The following CSMD3 variants were observed in gnomAD, a reference collection of about 807,000 sequenced individuals.
The protein encoded by CSMD3 is CUB and Sushi multiple domains 3.
In CSMD3, 177 loss-of-function variants were observed where a neutral mutation model predicts 435.2. That is an observed-to-expected ratio of 0.41 (90% confidence interval 0.36 to 0.46). The LOEUF is 0.46. CSMD3 is among the 20% of genes least tolerant of loss of function. The pLI, the probability that CSMD3 is intolerant of heterozygous loss-of-function variation, is 0.34. For synonymous variants in CSMD3, 1,656 were observed against 1,520.5 expected, an observed-to-expected ratio of 1.09 and a Z score of -2.07; for missense variants, 4,265 against 4,504.6, an observed-to-expected ratio of 0.95 and a Z score of 1.52.
chr8:112,761,203 T>C (rs1432273110), intron 13 of CSMD3, among the ~76,000 whole-genome samples: 1 of 152,148 alleles, frequency 6.6e-6, no homozygotes, highest in African/African-American at 2.4e-5. Context: ...GTTTCTTTTA[T>C]TTCTCATTAA....
intron 9 of CSMD3, among the ~76,000 whole-genome samples, chr8:112,922,263 T>A (rs1471630309): frequency 6.6e-6 from 1 of 151,962 alleles, no homozygotes; most frequent in East Asian, 1.9e-4. Context: ...GTGTATATAT[T>A]TATGGGGTAC....
chr8:113,101,487 G>A (rs542821063), intron 4 of CSMD3, among the ~76,000 whole-genome samples: 4 of 151,778 alleles, frequency 2.6e-5, no homozygotes, highest in Non-Finnish European at 4.4e-5. Context: ...ATTATATTCC[G>A]TAAGCTCCAA....
chr8:113,033,273 C>T (rs2087197406), intron 5 of CSMD3, among the ~76,000 whole-genome samples: 1 of 151,648 alleles, frequency 6.6e-6, no homozygotes, highest in Non-Finnish European at 1.5e-5. Flanking sequence ...GGAAAAGCCA[C>T]AGGCATTCAA....
chr8:112,862,041 G>T (rs918297004), intron 10 of CSMD3, among the ~76,000 whole-genome samples: 3 of 151,908 alleles, frequency 2.0e-5, no homozygotes, highest in African/African-American at 7.2e-5. Context: ...TCTTCATGCT[G>T]ATGAAGAATC....
chr8:113,107,100 T>G (rs2090501526), intron 4 of CSMD3, among the ~76,000 whole-genome samples: 1 of 152,160 alleles, frequency 6.6e-6, no homozygotes, highest in African/African-American at 2.4e-5. Flanking sequence ...ATTTGCCTAT[T>G]CTGAACATCT....
At chr8:112,516,288 A>G (rs1238205126) in intron 28 of CSMD3, among the ~76,000 whole-genome samples, 2 of 152,168 alleles carry the variant, frequency 1.3e-5, no homozygotes, top group East Asian at 3.8e-4. Flanking sequence ...TTTTCAGTAG[A>G]GAAAACATAG....
At chr8:113,332,765 T>A (rs1563711552) in intron 1 of CSMD3, among the ~76,000 whole-genome samples, 1 of 151,686 alleles carries the variant, frequency 6.6e-6, no homozygotes, top group Non-Finnish European at 1.5e-5. Flanking sequence ...ATTGCTAAAA[T>A]TGACAAGTTG....
At chr8:112,353,725 T>C (rs1215771480) in intron 38 of CSMD3, among the ~76,000 whole-genome samples, 3 of 151,762 alleles carry the variant, frequency 2.0e-5, no homozygotes, top group Non-Finnish European at 4.4e-5. Flanking sequence ...CTACCAAGAA[T>C]AAAAACAAAG....
intron 22 of CSMD3, among the ~76,000 whole-genome samples, chr8:112,590,366 A>G (rs1322521653): frequency 6.6e-6 from 1 of 152,066 alleles, no homozygotes; most frequent in East Asian, 1.9e-4. Flanking sequence ...TGAGTAAATT[A>G]AAGGTGAAGG....
chr8:112,837,252 A>G (rs185563277), intron 11 of CSMD3, among the ~76,000 whole-genome samples: 16 of 151,970 alleles, frequency 1.1e-4, no homozygotes, highest in Non-Finnish European at 2.1e-4. Flanking sequence ...CTGAAAGCTG[A>G]AGAAAATACT....
At chr8:113,222,030 AG>A (rs775733326) in intron 3 of CSMD3, among the ~76,000 whole-genome samples, 55,423 of 150,912 alleles carry the variant, frequency 0.37, 11,013 homozygotes, top group African/African-American at 0.52. Flanking sequence ...TTGAAGGTTA[AG>A]TAAATGCATG....
chr8:113,044,092 A>G (rs1199434260), intron 5 of CSMD3, among the ~76,000 whole-genome samples: 1 of 152,090 alleles, frequency 6.6e-6, no homozygotes, highest in African/African-American at 2.4e-5. Context: ...AAAACATACG[A>G]AGATAACAAG....
intron 13 of CSMD3, among the ~76,000 whole-genome samples, chr8:112,733,016 A>G (rs1011685430): frequency 3.9e-5 from 6 of 152,150 alleles, no homozygotes; most frequent in Non-Finnish European, 7.4e-5. Context: ...TATTTTTAAA[A>G]CACACAATAA....
At chr8:112,455,059 A>G (rs915034861) in intron 32 of CSMD3, among the ~76,000 whole-genome samples, 4 of 151,822 alleles carry the variant, frequency 2.6e-5, no homozygotes, top group Non-Finnish European at 5.9e-5. Flanking sequence ...AATAAACACA[A>G]CTACCATTTG....
chr8:112,417,911 T>C (rs1261819664), intron 32 of CSMD3, among the ~76,000 whole-genome samples: 1 of 152,164 alleles, frequency 6.6e-6, no homozygotes, highest in Admixed American at 6.5e-5. Flanking sequence ...TAGATCTATG[T>C]TTGATTCTCA....
chr8:112,406,152 C>T (rs1335690262), intron 35 of CSMD3, among the ~76,000 whole-genome samples: 1 of 151,892 alleles, frequency 6.6e-6, no homozygotes, highest in African/African-American at 2.4e-5. Flanking sequence ...TTAATATATA[C>T]ACCTACTGTG....
Position 113,018,255 on chromosome 8 carries a change from T to C in CSMD3, c.1030+812A>G, listed in dbSNP as rs1252982834. 2.0e-5 allele frequency among the ~76,000 whole-genome samples: 3 copies of C among 151,924 alleles called. No homozygotes were observed. The East Asian group carries it at 5.8e-4, about 29-fold the overall frequency. On this transcript the variant is annotated intron_variant, in intron 6 of 70. Coordinates refer to ENST00000297405, the MANE Select transcript of CSMD3 (RefSeq NM_198123.2). ...TTGAATTTTGTATTCCAAAGAACAA[T>C]ATATGATTTAATGCCATTTTGAGTA...
At chr8:112,940,683 T>C (rs1587720343) in intron 9 of CSMD3, among the ~76,000 whole-genome samples, 1 of 151,756 alleles carries the variant, frequency 6.6e-6, no homozygotes, top group East Asian at 1.9e-4. Context: ...CCTAGGAGAG[T>C]AGAGCACAAA....
intron 32 of CSMD3, among the ~76,000 whole-genome samples, chr8:112,414,114 T>A (rs1303403274): frequency 6.6e-6 from 1 of 152,210 alleles, no homozygotes; most frequent in African/African-American, 2.4e-5. Flanking sequence ...TTTTTCTTGC[T>A]ATATTTGAAG....
Sources: gnomAD v4.1 joint callset for allele counts (sites outside exome capture counted in the v4.1 genomes callset) on GRCh38, gnomAD v4.1.1 for gene constraint, MANE v1.5 for transcripts, NCBI Gene and HGNC (gene_info 2026-07-23, HGNC 2026-07-21) for gene names.